Variants in PDE11A observed in about 807,000 individuals in gnomAD.
PDE11A encodes phosphodiesterase 11A.
PDE11A carries 100 observed loss-of-function variants against 100.5 expected under a neutral mutation model. That is an observed-to-expected ratio of 1.00 (90% CI 0.85 to 1.18). The LOEUF (loss-of-function observed/expected upper bound fraction) is 1.18, where lower values mean the gene tolerates loss of function less well. Among genes scored for constraint, PDE11A ranks in the 50% most tolerant of loss-of-function variants. The pLI is 0.00. For synonymous variants in PDE11A, 381 were observed against 420.8 expected, an observed-to-expected ratio of 0.91 and a Z score of 1.16; for missense variants, 1,141 against 1,152.6, an observed-to-expected ratio of 0.99 and a Z score of 0.15.
At chr2:178,063,407 A>G (rs533605270) in intron 1 of PDE11A, among the ~76,000 whole-genome samples, 9 of 152,322 alleles carry the variant, frequency 5.9e-5, no homozygotes, top group Non-Finnish European at 1.0e-4. Context: ...TGTCATGAAG[A>G]AAGTTCATAC....
At chr2:178,028,604 T>A (rs1384131377) in intron 1 of PDE11A, among the ~76,000 whole-genome samples, 1 of 152,206 alleles carries the variant, frequency 6.6e-6, no homozygotes, top group African/African-American at 2.4e-5. Flanking sequence ...ATAGAGTTGA[T>A]TAGCTCCTCT....
rs2080845013 is a variant in PDE11A, at chr2:177,680,385, A to ACTCC, written c.2423+437_2423+440dup. Among the ~76,000 whole-genome samples the ACTCC allele has an allele frequency of 2.6e-5, 4 of 151,872 alleles. No homozygotes were observed. In the South Asian group the frequency reaches 8.3e-4, roughly 32 times the overall value. On this transcript the variant is annotated intron_variant, in intron 16 of 19. Transcript: ENST00000286063. ...ACGTCCCAGGCAAAGGCTAGAACAG[A>ACTCC]CTCCTTATCTCCACCTCCAATATTG...
chr2:177,781,172 G>C (rs1408794132), intron 9 of PDE11A, among the ~76,000 whole-genome samples: 1 of 152,158 alleles, frequency 6.6e-6, no homozygotes, highest in East Asian at 1.9e-4. Flanking sequence ...GATGTGTCTT[G>C]GAAAACAGAG....
intron 2 of PDE11A, among the ~76,000 whole-genome samples, chr2:178,095,452 T>A (rs2087477107): frequency 6.6e-6 from 1 of 152,242 alleles, no homozygotes; most frequent in Admixed American, 6.5e-5. Context: ...GCTCCACCCC[T>A]GTGGCTTTGC....
intron 9 of PDE11A, among the ~76,000 whole-genome samples, chr2:177,779,911 A>G (rs2082430344): frequency 6.6e-6 from 1 of 152,214 alleles, no homozygotes; most frequent in South Asian, 2.1e-4. Context: ...CCATTGTTGG[A>G]ATCACTATGT....
chr2:177,905,416 A>G (rs1351767194), intron 2 of PDE11A, among the ~76,000 whole-genome samples: 1 of 152,246 alleles, frequency 6.6e-6, no homozygotes, highest in Non-Finnish European at 1.5e-5. Context: ...ATTCACATCT[A>G]TGAAGACATA....
intron 6 of PDE11A, among the ~76,000 whole-genome samples, chr2:177,833,912 C>A (rs2083349262): frequency 6.6e-6 from 1 of 152,184 alleles, no homozygotes; most frequent in South Asian, 2.1e-4. Flanking sequence ...GCACAGGGGG[C>A]TTACCTGGGC....
At chr2:177,863,857 G>A (rs1291894454) in intron 5 of PDE11A, among the ~76,000 whole-genome samples, 1 of 151,950 alleles carries the variant, frequency 6.6e-6, no homozygotes, top group Non-Finnish European at 1.5e-5. Flanking sequence ...TACAAGAAAT[G>A]AAATCACCAC....
chr2:177,727,911 G>A, intron 11 of PDE11A, 115 bp downstream of exon 11: 2 of 1,022,972 alleles, frequency 2.0e-6, no homozygotes, highest in Non-Finnish European at 3.1e-6. Context: ...AATCCCATGA[G>A]GTGTGCAGGG....
At chr2:178,000,192 T>A (rs2086126770) in intron 2 of PDE11A, among the ~76,000 whole-genome samples, 1 of 147,878 alleles carries the variant, frequency 6.8e-6, no homozygotes. Flanking sequence ...GACCAGAAAA[T>A]GGTTTCATTT....
At chr2:177,738,602 C>T (rs1399347291) in intron 10 of PDE11A, among the ~76,000 whole-genome samples, 1 of 152,188 alleles carries the variant, frequency 6.6e-6, no homozygotes, top group Admixed American at 6.5e-5. Flanking sequence ...AACTCACATG[C>T]TCGGTTGAAT....
At chr2:177,642,562 C>T (rs1195346049) in intron 19 of PDE11A, among the ~76,000 whole-genome samples, 2 of 152,180 alleles carry the variant, frequency 1.3e-5, no homozygotes, top group South Asian at 4.1e-4. Flanking sequence ...TTGTTAGTTG[C>T]CTACCCAATA....
intron 1 of PDE11A, among the ~76,000 whole-genome samples, chr2:178,062,007 A>G (rs2086975842): frequency 6.6e-6 from 1 of 152,160 alleles, no homozygotes; most frequent in African/African-American, 2.4e-5. Context: ...TGCCCTTTAT[A>G]TTTTAAAACT....
At chr2:177,771,469 C>T (rs531025081) in intron 9 of PDE11A, among the ~76,000 whole-genome samples, 34 of 152,298 alleles carry the variant, frequency 2.2e-4, no homozygotes, top group African/African-American at 8.2e-4. Context: ...GCTGCCACGC[C>T]TCCACTTCCG....
chr2:177,901,928 G>A (rs1219333433), intron 3 of PDE11A, among the ~76,000 whole-genome samples: 1 of 152,146 alleles, frequency 6.6e-6, no homozygotes, highest in African/African-American at 2.4e-5. Context: ...GTCTTGCACT[G>A]ACAAATCACA....
chr2:177,775,187 C>T (rs779916207), intron 9 of PDE11A, among the ~76,000 whole-genome samples: 4 of 152,184 alleles, frequency 2.6e-5, no homozygotes, highest in African/African-American at 4.8e-5. Flanking sequence ...CCATTTCAGA[C>T]ATCTGACCTG....
At chr2:177,945,432 C>T (rs1449327888) in intron 2 of PDE11A, among the ~76,000 whole-genome samples, 9 of 138,446 alleles carry the variant, frequency 6.5e-5, no homozygotes, top group Non-Finnish European at 8.1e-5. Flanking sequence ...TCTGCCCGGC[C>T]GCCCATCGTC....
intron 6 of PDE11A, among the ~76,000 whole-genome samples, chr2:177,827,256 G>C (rs1416498177): frequency 6.6e-6 from 1 of 152,206 alleles, no homozygotes; most frequent in Non-Finnish European, 1.5e-5. Flanking sequence ...TGGGACTGAA[G>C]AGCTACAGAG....
Position 178,105,648 on chromosome 2 carries a change from G to A in PDE11A, c.-13-1172C>T, listed in dbSNP as rs368905862. ...AAATTGTACTTTATCGATGTCTCAG[G>A]AGGTTCTCCATGGTGGTACAGGATG... On this transcript the variant is annotated intron_variant, in intron 1 of 20. Transcript: ENST00000358450. 7.7e-5 allele frequency: 45 copies of A among 586,498 alleles called. 1 individual carries two copies. The South Asian group carries it at 2.0e-3, about 26-fold the overall frequency. The allele number at this position is 586,498 out of a possible 1,614,324, so 36.3% of individuals were successfully genotyped here. A position where few individuals can be genotyped will look rare whatever the true frequency, so the allele number is the denominator to read the frequency against.
Sources: gnomAD v4.1 joint callset for allele counts (sites outside exome capture counted in the v4.1 genomes callset) on GRCh38, gnomAD v4.1.1 for gene constraint, MANE v1.5 for transcripts, NCBI Gene and HGNC (gene_info 2026-07-23, HGNC 2026-07-21) for gene names.